Variants in CAMK2D observed in about 807,000 individuals in gnomAD.
The protein encoded by CAMK2D is calcium/calmodulin-dependent protein kinase type II subunit delta.
CAMK2D carries 37 observed loss-of-function variants against 84.0 expected under a neutral mutation model. The observed-to-expected ratio is 0.44, with a 90% CI of 0.34 to 0.58. CAMK2D has a LOEUF of 0.58. Ranked by LOEUF, CAMK2D falls within the 20% of genes least tolerant of loss-of-function variation. The pLI, the probability that CAMK2D is intolerant of heterozygous loss-of-function variation, is 0.02. For missense variants in CAMK2D, 448 were observed against 652.5 expected (o/e 0.69, Z 3.41); for synonymous variants, 202 against 212.5 (o/e 0.95, Z 0.43).
At chr4:113,648,942 T>G (rs2099162096) in intron 3 of CAMK2D, among the ~76,000 whole-genome samples, 1 of 152,228 alleles carries the variant, frequency 6.6e-6, no homozygotes, top group South Asian at 2.1e-4. Flanking sequence ...TGTTTTCAAA[T>G]CAGTGAAATT....
At chr4:113,668,475 TTA>T (rs1438549841) in intron 2 of CAMK2D, among the ~76,000 whole-genome samples, 2 of 152,218 alleles carry the variant, frequency 1.3e-5, no homozygotes, top group African/African-American at 4.8e-5. Context: ...CCTCAAAAAA[TTA>T]TAGTGTCAAC....
At chr4:113,702,666 T>G (rs982157832) in intron 2 of CAMK2D, among the ~76,000 whole-genome samples, 14 of 152,176 alleles carry the variant, frequency 9.2e-5, no homozygotes, top group African/African-American at 3.1e-4. Context: ...CCCAGCACTT[T>G]GGAAGGCTGA....
At position 113,761,540 on chromosome 4, in the gene CAMK2D, G is replaced by C. The variant is rs796807091; in HGVS notation, c.-472C>G. On this transcript the variant is annotated 5_prime_UTR_variant, in exon 1 of 21. Coordinates refer to ENST00000511664, the MANE Select transcript of CAMK2D (RefSeq NM_001321571.2). The stretch of plus-strand genomic sequence containing the variant: ...AGTGCAGCGGGGCCGAGGCCGCGGA[G>C]CCCAGAGCGGACAGCCTGAGCCCAG... 1.1e-5 allele frequency: 11 copies of C among 999,044 alleles called. No homozygotes were observed. Among genetic ancestry groups the C allele is most frequent in the African/African-American group, 1.0e-4 (6 of 57,556 alleles). The allele number at this position is 999,044 out of a possible 1,614,324, so 61.9% of individuals were successfully genotyped here.
intron 16 of CAMK2D, among the ~76,000 whole-genome samples, chr4:113,489,360 A>G (rs1043411105): frequency 2.3e-5 from 3 of 128,694 alleles, no homozygotes; most frequent in Admixed American, 7.8e-5. Flanking sequence ...TCATAGTTCA[A>G]TTCCCACCTA....
At position 113,656,847 on chromosome 4, in the gene CAMK2D, A is replaced by G. The variant is rs201261408; in HGVS notation, c.220+4866T>C. 8.1e-4 allele frequency among the ~76,000 whole-genome samples: 124 copies of G among 152,240 alleles called. 1 individual carries two copies. Among genetic ancestry groups the G allele is most frequent in the African/African-American group, 2.8e-3 (116 of 41,568 alleles). Reference sequence around the variant, plus strand: ...AGTGACCAAGACTCTCTCCCTAACCAAACATCAGGCAGGTTCCTCTTTTCA... The same window carrying G: ...AGTGACCAAGACTCTCTCCCTAACCGAACATCAGGCAGGTTCCTCTTTTCA... On this transcript the variant is annotated intron_variant, in intron 3 of 20. Coordinates refer to ENST00000511664, the MANE Select transcript of CAMK2D (RefSeq NM_001321571.2).
At chr4:113,662,271 A>C (rs1377336354) in intron 2 of CAMK2D, among the ~76,000 whole-genome samples, 3 of 152,180 alleles carry the variant, frequency 2.0e-5, no homozygotes, top group Non-Finnish European at 2.9e-5. Flanking sequence ...CTTCCTAGGT[A>C]TATGATGCTC....
At chr4:113,739,272 T>G (rs1046086891) in intron 2 of CAMK2D, among the ~76,000 whole-genome samples, 5 of 152,070 alleles carry the variant, frequency 3.3e-5, no homozygotes, top group Admixed American at 2.0e-4. Flanking sequence ...TAACCCCAGG[T>G]TTTAGTGAAA....
chr4:113,665,514 C>T (rs185253321), intron 2 of CAMK2D, among the ~76,000 whole-genome samples: 19 of 152,286 alleles, frequency 1.2e-4, no homozygotes, highest in Non-Finnish European at 1.8e-4. Flanking sequence ...ACTACATATG[C>T]TACCTCATCA....
chr4:113,552,677 A>G (rs1232824283), intron 4 of CAMK2D, among the ~76,000 whole-genome samples: 1 of 152,216 alleles, frequency 6.6e-6, no homozygotes, highest in Non-Finnish European at 1.5e-5. Context: ...CCCTAATTTA[A>G]CGTAACATAG....
chr4:113,456,604 C>A (rs554001666), intron 19 of CAMK2D: 1 of 152,252 alleles, frequency 6.6e-6, no homozygotes. Flanking sequence ...ACAAAGTGTA[C>A]TTCCAAACTG....
rs2099148045 is a variant in CAMK2D, at chr4:113,645,447, C to CA, written c.220+16265dup. Among the ~76,000 whole-genome samples the CA allele has an allele frequency of 2.0e-5, 3 of 152,138 alleles. No individual in the cohort carries two copies. In the South Asian group the frequency reaches 6.2e-4, roughly 32 times the overall value. On this transcript the variant is annotated intron_variant, in intron 3 of 20. Coordinates refer to ENST00000511664, the MANE Select transcript of CAMK2D (RefSeq NM_001321571.2). Reference sequence around the variant, plus strand: ...TGTGGCTGTTTTTGTGCTACAATGACAAAGAGGTAGCACTGCCAGCACAGC... The same window carrying CA: ...TGTGGCTGTTTTTGTGCTACAATGACAAAAGAGGTAGCACTGCCAGCACAGC...
intron 18 of CAMK2D, among the ~76,000 whole-genome samples, chr4:113,458,554 T>C (rs1298480654): frequency 6.6e-6 from 1 of 152,218 alleles, no homozygotes. Context: ...GAGTTAATTC[T>C]TTCATTAGGG....
chr4:113,761,176 T>C lies in CAMK2D; in HGVS notation c.-108A>G. ...CGGCGCTGTCACCCAGGGCCGCTCTTACTTTCCTGGTCCGAAAGTAGCTCG... is the reference window on the plus strand; with the variant it reads ...CGGCGCTGTCACCCAGGGCCGCTCTCACTTTCCTGGTCCGAAAGTAGCTCG... On this transcript the variant is annotated 5_prime_UTR_variant, in exon 1 of 21. Coordinates refer to ENST00000511664, the MANE Select transcript of CAMK2D (RefSeq NM_001321571.2). 6.3e-7 allele frequency: 1 copy of C among 1,577,030 alleles called. No individual in the cohort carries two copies. The highest frequency in any genetic ancestry group is 8.6e-7 in the Non-Finnish European group (1 of 1,164,336).
intron 2 of CAMK2D, among the ~76,000 whole-genome samples, chr4:113,755,651 T>G (rs763378006): frequency 6.7e-5 from 10 of 149,654 alleles, no homozygotes; most frequent in Non-Finnish European, 1.3e-4. Context: ...CTAAATTATC[T>G]GCCATCAGAA....
At chr4:113,526,026 C>T (rs1438308838) in intron 8 of CAMK2D, among the ~76,000 whole-genome samples, 2 of 152,166 alleles carry the variant, frequency 1.3e-5, no homozygotes, top group African/African-American at 4.8e-5. Context: ...ACTTTCATGT[C>T]ACACGAGTGA....
chr4:113,570,850 T>A lies in CAMK2D; in HGVS notation c.276-18754A>T, dbSNP rs529963638. Among the ~76,000 whole-genome samples the A allele has an allele frequency of 1.6e-3, 239 of 151,906 alleles. 1 individual carries two copies. Among genetic ancestry groups the A allele is most frequent in the African/African-American group, 5.6e-3 (233 of 41,450 alleles). On this transcript the variant is annotated intron_variant, in intron 4 of 20. Coordinates refer to ENST00000511664, the MANE Select transcript of CAMK2D (RefSeq NM_001321571.2). ...TCAAAAAAGGAAACAATCAACAGAG[T>A]GAAGAGACAACCTAGAGAATGAGAG...
chr4:113,466,323 C>T (rs1160721552), intron 16 of CAMK2D, among the ~76,000 whole-genome samples: 2 of 151,388 alleles, frequency 1.3e-5, no homozygotes, highest in Admixed American at 6.6e-5. Context: ...TTTTTACTAC[C>T]TTAACTTGAT....
In CAMK2D at chr4:113,517,589, G is replaced by T; in HGVS notation, c.670C>A (p.Gln224Lys). The part of the protein sequence containing the change: ...FWDEDQHRLY[Q>K]QIKAGAYDFP... ...TCATAAGCTCCAGCCTTGATCTGCT[G>T]ATAGAGTCTGTGTTGGTCTTCATCC... Residue 224 changes from glutamine (Q) to lysine (K), a missense_variant, in exon 9 of 21, where the codon CAG becomes AAG. By Grantham distance (53) the Gln-to-Lys change is moderately conservative. Coordinates refer to ENST00000511664, the MANE Select transcript of CAMK2D (RefSeq NM_001321571.2). The T allele has an allele frequency of 6.3e-7, 1 of 1,580,106 alleles. No individual in the cohort carries two copies. Among genetic ancestry groups the T allele is most frequent in the Non-Finnish European group, 8.7e-7 (1 of 1,149,930 alleles).
intron 4 of CAMK2D, among the ~76,000 whole-genome samples, chr4:113,560,965 T>C (rs762277149): frequency 2.0e-5 from 3 of 152,022 alleles, no homozygotes; most frequent in Admixed American, 2.0e-4. Context: ...AGAGAAACTT[T>C]CATAGAGGAG....
Sources: allele counts gnomAD v4.1 joint callset (sites outside exome capture counted in the v4.1 genomes callset), GRCh38; gene constraint gnomAD v4.1.1; transcripts MANE v1.5; gene names NCBI Gene and HGNC (gene_info 2026-07-23, HGNC 2026-07-21).